PPP6R1: variants seen among roughly 807,000 people sequenced by gnomAD.
PPP6R1 encodes the protein serine/threonine-protein phosphatase 6 regulatory subunit 1.
PPP6R1 carries 39 observed loss-of-function variants against 104.6 expected under a neutral mutation model. The observed-to-expected ratio is 0.37, with a 90% confidence interval of 0.29 to 0.49. The LOEUF (loss-of-function observed/expected upper bound fraction) is 0.49, where lower values mean the gene tolerates loss of function less well. Ranked by LOEUF, PPP6R1 falls within the 20% of genes least tolerant of loss-of-function variation. PPP6R1 has a pLI of 0.98. For missense variants in PPP6R1, 1,181 were observed against 1,155.8 expected, an observed-to-expected ratio of 1.02 and a Z score of -0.32; for synonymous variants, 549 against 479.0, an observed-to-expected ratio of 1.15 and a Z score of -1.91.
chr19:55,241,366 C>A lies in PPP6R1; in HGVS notation c.1034G>T (p.Gly345Val). Residue 345 changes from glycine to valine, a missense_variant, in exon 9 of 24, where the codon GGC becomes GTC. Transcript: ENST00000412770. The surrounding 1 kb of genome is among the most constrained non-coding windows in gnomAD (Gnocchi z 5.4). ...GTTGCCCAGAGGCGGAGCCAGCATG[C>A]CCCATGTCATCTGTAGCGGCTCCAG... ...PKLEPLQMTW[G>V]MLAPPLGNTR... 6.2e-7 allele frequency: 1 copy of A among 1,610,844 alleles called. No homozygotes were observed. Among genetic ancestry groups the A allele is most frequent in the Non-Finnish European group, 8.5e-7 (1 of 1,179,218 alleles).
At chr19:55,238,811 C>T (rs1443432281) in intron 15 of PPP6R1, 2 of 153,102 alleles carry the variant, frequency 1.3e-5, no homozygotes, top group African/African-American at 4.8e-5. Flanking sequence ...TTTCTGACTC[C>T]AGAAGCAACA....
chr19:55,250,803 C>T (rs2087547039), intron 1 of PPP6R1, among the ~76,000 whole-genome samples: 1 of 152,150 alleles, frequency 6.6e-6, no homozygotes, highest in South Asian at 2.1e-4. Context: ...CCCCTTCTGC[C>T]TGCATGACCA....
At position 55,240,959 on chromosome 19, in the gene PPP6R1, G is replaced by A; in HGVS notation, c.1282C>T (p.Pro428Ser). ...DSSPETPIQN[P>S]VVKHLLQQCR... is the part of the protein sequence containing the mutation. ...TCCCAGCTCACATGTTTCACAACAG[G>A]GTTTTGGATGGGCGTCTCAGGGCTG... Residue 428 changes from proline (P) to serine (S), a missense_variant, in exon 10 of 24, where the codon CCT becomes TCT. Physicochemically the swap from Pro to Ser is moderately conservative, Grantham distance 74. This residue lies in a region of PPP6R1 where 1,042 missense variants were observed against 955.6 expected (regional missense o/e 1.09). Coordinates refer to ENST00000412770, the MANE Select transcript of PPP6R1 (RefSeq NM_014931.4). The A allele has an allele frequency of 6.2e-7, 1 of 1,605,744 alleles. No homozygotes were observed. Among genetic ancestry groups the A allele is most frequent in the Non-Finnish European group, 8.5e-7 (1 of 1,176,764 alleles).
intron 22 of PPP6R1, 40 bp from the exon 23 acceptor site, chr19:55,230,724 G>GC: frequency 6.7e-7 from 1 of 1,501,718 alleles, no homozygotes; most frequent in Non-Finnish European, 8.9e-7. Flanking sequence ...GTCACTTCCT[G>GC]CCCCACCAGC....
chr19:55,231,333 G>C (rs921783465), intron 21 of PPP6R1, 77 bp downstream of exon 21: 10 of 1,466,760 alleles, frequency 6.8e-6, no homozygotes, highest in Non-Finnish European at 9.3e-6. Context: ...TCAGGGACAA[G>C]ATGAACCCAG....
At chr19:55,230,742 C>CCA (rs2087335180) in intron 22 of PPP6R1, 32 bp downstream of exon 22, 1 of 1,444,158 alleles carries the variant, frequency 6.9e-7, no homozygotes, top group Non-Finnish European at 9.3e-7. Context: ...AGCCCCACCC[C>CCA]CACCCCCCCG....
rs2087327548 is a variant in PPP6R1 at position 55,230,254 on chromosome 19, A to G, written c.*274T>C. On this transcript the variant is annotated 3_prime_UTR_variant, in exon 24 of 24. Transcript: ENST00000412770. ...TCGCTCTCCTCCCTCTCTCTATATA[A>G]TATATAATATATGTTTCTCTCTCTC... 3.7e-6 allele frequency: 2 copies of G among 535,544 alleles called. No homozygotes were observed. Among genetic ancestry groups the G allele is most frequent in the Admixed American group, 6.2e-5 (2 of 32,072 alleles). The allele number at this position is 535,544 out of a possible 1,614,324, so 33.2% of individuals were successfully genotyped here. A position where few individuals can be genotyped will look rare whatever the true frequency, so the allele number is the denominator to read the frequency against.
At chr19:55,231,388 G>C (rs1334586286) in intron 21 of PPP6R1, 22 bp downstream of exon 21, 1 of 1,569,236 alleles carries the variant, frequency 6.4e-7, no homozygotes, top group Non-Finnish European at 8.6e-7. Context: ...CCGATACTAG[G>C]CAGCCCCACC....
intron 17 of PPP6R1, chr19:55,232,707 G>T (rs1462824170): frequency 1.3e-5 from 2 of 156,420 alleles, no homozygotes; most frequent in Admixed American, 1.3e-4. Flanking sequence ...TCAGCCCTGA[G>T]AAACCACCAG....
chr19:55,239,545 ACCCCAC>A, intron 14 of PPP6R1, 43 bp from the exon 15 acceptor site: 1 of 1,609,354 alleles, frequency 6.2e-7, no homozygotes, highest in Non-Finnish European at 8.5e-7. Context: ...GTTGGGCAGG[ACCCCAC>A]TCCAGCATAG....
At chr19:55,231,014 C>T (rs1172351971) in intron 21 of PPP6R1, 130 bp from the exon 22 acceptor site, 1 of 769,208 alleles carries the variant, frequency 1.3e-6, no homozygotes, top group South Asian at 1.6e-5. Flanking sequence ...GGAGGGGCCT[C>T]CCGAGGACGC....
chr19:55,244,948 A>G (rs1460937743), intron 5 of PPP6R1, among the ~76,000 whole-genome samples, 172 bp downstream of exon 5: 1 of 152,074 alleles, frequency 6.6e-6, no homozygotes, highest in African/African-American at 2.4e-5. Context: ...ATGTTGCCCA[A>G]GCTGGTCTCA....
At chr19:55,244,886 G>A (rs1413325178) in intron 5 of PPP6R1, among the ~76,000 whole-genome samples, 1 of 152,014 alleles carries the variant, frequency 6.6e-6, no homozygotes, top group Non-Finnish European at 1.5e-5. Flanking sequence ...TGGGACTACA[G>A]GTGTGCAACA....
Position 55,247,003 on chromosome 19 carries a change from A to C in PPP6R1, c.101T>G (p.Leu34Arg), listed in dbSNP as rs753780932. The change falls in exon 2 of 24, where the codon CTG becomes CGG. Residue 34 changes from leucine to arginine, a missense_variant. Transcript: ENST00000412770. ...LPELLDEEDV[L>R]QECKVVNRKL... is the part of the protein sequence containing the mutation. ...GCGGTTGACGACCTTGCACTCCTGCAGCACGTCTTCCTCGTCCAGCAGCTC... is the reference window on the plus strand; with the variant it reads ...GCGGTTGACGACCTTGCACTCCTGCCGCACGTCTTCCTCGTCCAGCAGCTC... 1 of 1,613,910 alleles carries C rather than the reference A, an allele frequency of 6.2e-7. No individual in the cohort carries two copies. Among genetic ancestry groups the C allele is most frequent in the Non-Finnish European group, 8.5e-7 (1 of 1,179,876 alleles).
chr19:55,250,834 C>G (rs1454692576), intron 1 of PPP6R1, among the ~76,000 whole-genome samples: 1 of 152,012 alleles, frequency 6.6e-6, no homozygotes, highest in African/African-American at 2.4e-5. Context: ...GCAGGCCCCC[C>G]ACACTCGACC....
At chr19:55,240,826 G>A in intron 10 of PPP6R1, 119 bp downstream of exon 10, 2 of 1,378,068 alleles carry the variant, frequency 1.5e-6, no homozygotes, top group Non-Finnish European at 2.0e-6. Context: ...CTGGGCGCTG[G>A]CACCTAACAC....
At chr19:55,257,854 T>G (rs1429138887) in intron 1 of PPP6R1, among the ~76,000 whole-genome samples, 1 of 152,240 alleles carries the variant, frequency 6.6e-6, no homozygotes, top group Non-Finnish European at 1.5e-5. Flanking sequence ...CTCAGCAGGC[T>G]TCATCTCACT....
intron 17 of PPP6R1, among the ~76,000 whole-genome samples, chr19:55,235,557 C>T (rs1159640387): frequency 1.3e-5 from 2 of 150,108 alleles, no homozygotes; most frequent in African/African-American, 2.5e-5. Context: ...CTCGCTCTGT[C>T]GCCCAGGCTG....
chr19:55,243,570 CAGG>C (rs1373433133), intron 5 of PPP6R1, among the ~76,000 whole-genome samples: 1 of 151,962 alleles, frequency 6.6e-6, no homozygotes, highest in Non-Finnish European at 1.5e-5. Context: ...GAGGCAGAGG[CAGG>C]AGGATTGCTT....
Sources: allele counts gnomAD v4.1 joint callset (sites outside exome capture counted in the v4.1 genomes callset), GRCh38; gene constraint gnomAD v4.1.1; regional missense constraint gnomAD v4.1.1; non-coding constraint Gnocchi (gnomAD v3.1); transcripts MANE v1.5; gene names NCBI Gene and HGNC (gene_info 2026-07-23, HGNC 2026-07-21).